The following ARHGEF10 variants were observed in gnomAD, a reference collection of about 807,000 sequenced individuals.
ARHGEF10 encodes the protein Rho guanine nucleotide exchange factor (GEF) 10.
In ARHGEF10, 140 loss-of-function variants were observed where a neutral mutation model predicts 147.4. The observed-to-expected ratio is 0.95, with a 90% CI of 0.83 to 1.09. ARHGEF10 has a LOEUF of 1.09. Ranked by LOEUF, ARHGEF10 falls within the 50% of genes least tolerant of loss-of-function variation. The pLI, the probability that ARHGEF10 is intolerant of heterozygous loss-of-function variation, is 0.00. For synonymous variants in ARHGEF10, 902 were observed against 695.8 expected (o/e 1.30, Z -4.67); for missense variants, 2,222 against 1,752.7 (o/e 1.27, Z -4.78).
At chr8:1,877,781 T>A (rs1411782516) in intron 8 of ARHGEF10, among the ~76,000 whole-genome samples, 1 of 151,990 alleles carries the variant, frequency 6.6e-6, no homozygotes, top group Admixed American at 6.6e-5. Flanking sequence ...TCTACAGTGA[T>A]GTCTGTGTAC....
chr8:1,887,926 C>A (rs1196922028), intron 11 of ARHGEF10, among the ~76,000 whole-genome samples: 1 of 139,088 alleles, frequency 7.2e-6, no homozygotes, highest in African/African-American at 2.7e-5. Context: ...TGCGGGTCAT[C>A]AGGAGACAGT....
intron 18 of ARHGEF10, among the ~76,000 whole-genome samples, chr8:1,920,340 T>G (rs1812186992): frequency 6.6e-6 from 1 of 152,242 alleles, no homozygotes; most frequent in South Asian, 2.1e-4. Flanking sequence ...TTATTAATTT[T>G]GATACAAGGC....
At chr8:1,863,402 G>C (rs1806313550) in intron 4 of ARHGEF10, among the ~76,000 whole-genome samples, 1 of 152,228 alleles carries the variant, frequency 6.6e-6, no homozygotes, top group Admixed American at 6.5e-5. Flanking sequence ...CTCCGACTTT[G>C]AGCCAACTGC....
At chr8:1,910,604 C>T (rs376749482) in intron 18 of ARHGEF10, among the ~76,000 whole-genome samples, 1 of 152,044 alleles carries the variant, frequency 6.6e-6, no homozygotes, top group African/African-American at 2.4e-5. Flanking sequence ...GTATGGAGAG[C>T]GAGAGGGAGG....
rs571195584 is a variant in ARHGEF10 at position 1,957,556 on chromosome 8, C to T, written c.*293C>T. On this transcript the variant is annotated 3_prime_UTR_variant, in exon 29 of 29. Coordinates refer to ENST00000349830, the MANE Select transcript of ARHGEF10 (RefSeq NM_014629.4). ...CCACATTCTTTTTGACTGCTGTAGTCCATATGTGAATACTAAATGTTAAAC... is the reference window on the plus strand; with the variant it reads ...CCACATTCTTTTTGACTGCTGTAGTTCATATGTGAATACTAAATGTTAAAC... The T allele has an allele frequency of 5.3e-5, 28 of 528,220 alleles. No individual in the cohort carries two copies. The East Asian group carries it at 9.3e-4, about 18-fold the overall frequency. 32.7% of individuals were successfully genotyped at this position (528,220 alleles called of 1,614,324 possible). A position where few individuals can be genotyped will look rare whatever the true frequency, so the allele number is the denominator to read the frequency against.
intron 1 of ARHGEF10, among the ~76,000 whole-genome samples, chr8:1,838,195 ACTCCAT>A (rs1227359392): frequency 7.2e-5 from 11 of 151,898 alleles, no homozygotes; most frequent in African/African-American, 2.7e-4. Flanking sequence ...ACAGGCCTGG[ACTCCAT>A]CTCCAGCGAT....
chr8:1,923,440 G>C (rs1455645069), intron 19 of ARHGEF10, 28 bp from the exon 20 acceptor site: 1 of 1,613,874 alleles, frequency 6.2e-7, no homozygotes, highest in Non-Finnish European at 8.5e-7. Context: ...AAACACTTTT[G>C]AAATGTGCGT....
intron 2 of ARHGEF10, among the ~76,000 whole-genome samples, chr8:1,852,907 G>A (rs961720163): frequency 3.3e-5 from 5 of 152,156 alleles, no homozygotes; most frequent in African/African-American, 7.2e-5. Flanking sequence ...TCAAGCTGCC[G>A]GTGACCCACA....
rs1469893947 is a variant in ARHGEF10, at chr8:1,894,476, G to C, written c.1344G>C (p.Glu448Asp). The C allele has an allele frequency of 2.5e-5, 40 of 1,614,090 alleles. No individual in the cohort carries two copies. In the Admixed American group the frequency reaches 6.7e-4, roughly 27 times the overall value. ...KLKTVFYRVKEILQCHSLFQI... is the reference protein window; with the variant it reads ...KLKTVFYRVKDILQCHSLFQI... ...AGACGGTGTTCTACCGAGTCAAAGA[G>C]ATCCTGCAGTGCCACTCGCTATTTC... The change falls in exon 13 of 29, where the codon GAG (glutamate) becomes GAC (aspartate). Residue 448 changes from glutamate (E) to aspartate (D), a missense_variant. Transcript: ENST00000349830.
At position 1,841,318 on chromosome 8, in the gene ARHGEF10, G is replaced by C. The variant is rs549366537; in HGVS notation, c.-47-2035G>C. Among the ~76,000 whole-genome samples, 6 of 152,366 alleles carry C rather than the reference G, an allele frequency of 3.9e-5. No homozygotes were observed. The South Asian group carries it at 1.2e-3, about 32-fold the overall frequency. ...GTCACGTGTGAGGCCTGCAGCCCAGGAGCCTGGATTCAGGCTGCCCTGAAC... is the reference window on the plus strand; with the variant it reads ...GTCACGTGTGAGGCCTGCAGCCCAGCAGCCTGGATTCAGGCTGCCCTGAAC... On this transcript the variant is annotated intron_variant, in intron 1 of 28. Coordinates refer to ENST00000349830, the MANE Select transcript of ARHGEF10 (RefSeq NM_014629.4).
At position 1,894,817 on chromosome 8, in the gene ARHGEF10, G is replaced by C. The variant is rs144616572; in HGVS notation, c.1440+245G>C. 7.7e-3 allele frequency among the ~76,000 whole-genome samples: 1,173 copies of C among 152,312 alleles called. 9 individuals are homozygous for C. Among genetic ancestry groups the C allele is most frequent in the Non-Finnish European group, 0.012 (828 of 68,032 alleles). On this transcript the variant is annotated intron_variant, in intron 13 of 28. Coordinates refer to ENST00000349830, the MANE Select transcript of ARHGEF10 (RefSeq NM_014629.4). ...ACACTGGACAGAAGCTGTATCTGAGGACATTTAACAATATGCACTTTATCG... is the reference window on the plus strand; with the variant it reads ...ACACTGGACAGAAGCTGTATCTGAGCACATTTAACAATATGCACTTTATCG...
At position 1,876,569 on chromosome 8, in the gene ARHGEF10, A is replaced by G; in HGVS notation, c.680-2A>G. On this transcript the variant is annotated splice_acceptor_variant, in intron 7 of 28. Transcript: ENST00000349830. LOFTEE classifies it high-confidence loss of function. ...ATTTCATTTTGGAATTTATGCACTC[A>G]GATGAAATGATTTATGATGATGTTG... 2 of 1,614,058 alleles carry G rather than the reference A, an allele frequency of 1.2e-6. No individual in the cohort carries two copies.
rs1404140245 is a variant in ARHGEF10 at position 1,839,167 on chromosome 8, A to AAG, written c.-47-4186_-47-4185insAG. Among the ~76,000 whole-genome samples the AAG allele has an allele frequency of 3.0e-4, 32 of 108,264 alleles. 3 individuals are homozygous for AAG. Among genetic ancestry groups the AAG allele is most frequent in the African/African-American group, 5.3e-4 (13 of 24,332 alleles). 71.0% of individuals were successfully genotyped at this position (108,264 alleles called of 152,430 possible). A position where few individuals can be genotyped will look rare whatever the true frequency, so the allele number is the denominator to read the frequency against. On this transcript the variant is annotated intron_variant, in intron 1 of 28. Transcript: ENST00000349830. ...GGTATGGGGACTGTCCGGTGTGGGG[A>AAG]CAGTCTGGTGTGGGGACTGTCTGAT...
At position 1,928,528 on chromosome 8, in the gene ARHGEF10, G is replaced by C. The variant is rs1238630347; in HGVS notation, c.2799G>C (p.Leu933=). 1 of 1,614,210 alleles carries C rather than the reference G, an allele frequency of 6.2e-7. No individual in the cohort carries two copies. Among genetic ancestry groups the C allele is most frequent in the Admixed American group, 1.7e-5 (1 of 60,024 alleles). The change falls in exon 24 of 29, where the codon CTG becomes CTC. Residue 933 remains leucine (L), a synonymous_variant. Coordinates refer to ENST00000349830, the MANE Select transcript of ARHGEF10 (RefSeq NM_014629.4). ...IECFNVESRI[L]CMLYVPVEEK... is the part of the protein sequence containing the mutation. ...GCTTCAACGTGGAATCTCGCATCCT[G>C]TGCATGCTGTACGTTCCCGTCGAGG...
At chr8:1,866,411 A>C in intron 5 of ARHGEF10, 115 bp from the exon 6 acceptor site, 2 of 830,442 alleles carry the variant, frequency 2.4e-6, no homozygotes, top group Non-Finnish European at 4.0e-6. Context: ...TAACATATAT[A>C]TATATATTCT....
At chr8:1,893,434 T>A in intron 11 of ARHGEF10, 135 bp from the exon 12 acceptor site, 1 of 673,098 alleles carries the variant, frequency 1.5e-6, no homozygotes. Flanking sequence ...TAATGTTATT[T>A]AATTAGGCTA....
intron 17 of ARHGEF10, among the ~76,000 whole-genome samples, chr8:1,908,292 T>G (rs182687223): frequency 1.1e-4 from 16 of 147,174 alleles, no homozygotes; most frequent in Admixed American, 5.5e-4. Flanking sequence ...GTGCTGTGGC[T>G]CGATCTCAGC....
chr8:1,824,810 C>T (rs1482887795), intron 1 of ARHGEF10, among the ~76,000 whole-genome samples: 1 of 26,816 alleles, frequency 3.7e-5, no homozygotes. Context: ...CCCACCTGTT[C>T]CCCCTGCACC....
chr8:1,929,223 A>G (rs1040363972), intron 24 of ARHGEF10, 63 bp from the exon 25 acceptor site: 19 of 1,549,434 alleles, frequency 1.2e-5, no homozygotes, highest in Non-Finnish European at 1.7e-5. Context: ...TTATGTTAAC[A>G]GGCACCCTCG....
Sources: allele counts gnomAD v4.1 joint callset (sites outside exome capture counted in the v4.1 genomes callset), GRCh38; gene constraint gnomAD v4.1.1; transcripts MANE v1.5; gene names NCBI Gene and HGNC (gene_info 2026-07-23, HGNC 2026-07-21).